Variants in KITLG observed in about 807,000 individuals in gnomAD.
The protein encoded by KITLG is c-Kit ligand.
In KITLG, 13 loss-of-function variants were observed where a neutral mutation model predicts 34.1. That is an observed-to-expected ratio of 0.38 (90% CI 0.25 to 0.61). KITLG has a LOEUF of 0.61. KITLG is among the 20% of genes least tolerant of loss of function. The probability of loss-of-function intolerance (pLI) is 0.60; values close to 1 mark genes in which losing one functional copy is unlikely to be tolerated. For missense variants in KITLG, 292 were observed against 318.9 expected (o/e 0.92, Z 0.64); for synonymous variants, 110 against 104.0 (o/e 1.06, Z -0.35).
intron 2 of KITLG, among the ~76,000 whole-genome samples, chr12:88,535,941 A>G (rs1314604473): frequency 1.3e-5 from 2 of 152,186 alleles, no homozygotes; most frequent in African/African-American, 4.8e-5. Flanking sequence ...CCCACACTGT[A>G]AAAATGCTGG....
chr12:88,530,831 T>C (rs1161851764), intron 3 of KITLG, among the ~76,000 whole-genome samples: 1 of 152,190 alleles, frequency 6.6e-6, no homozygotes, highest in Non-Finnish European at 1.5e-5. Context: ...AAAAGAAATG[T>C]AGCTTTGACA....
chr12:88,495,956 A>G lies in KITLG; in HGVS notation c.*1263T>C, dbSNP rs984197106. 2 of 152,186 alleles carry G rather than the reference A, an allele frequency of 1.3e-5. No homozygotes were observed. The highest frequency in any genetic ancestry group is 6.6e-5 in the Admixed American group (1 of 15,254). 9.4% of individuals were successfully genotyped at this position (152,186 alleles called of 1,614,324 possible). On this transcript the variant is annotated 3_prime_UTR_variant, in exon 10 of 10. Transcript: ENST00000644744. The stretch of plus-strand genomic sequence containing the variant: ...TTACAAGTTCTAGTTTAAAAGCACA[A>G]TGTCCATCTTGGGAATTCCTGCCAA...
chr12:88,550,078 AAG>A (rs1325984012), intron 1 of KITLG, among the ~76,000 whole-genome samples: 1 of 152,214 alleles, frequency 6.6e-6, no homozygotes, highest in Admixed American at 6.5e-5. Flanking sequence ...GTATGGGAAA[AAG>A]CCAGTCTACA....
chr12:88,502,641 T>G (rs1011756315), intron 9 of KITLG, among the ~76,000 whole-genome samples: 1 of 152,216 alleles, frequency 6.6e-6, no homozygotes, highest in Non-Finnish European at 1.5e-5. Context: ...TGCTTTAAAA[T>G]ACCATCTTTT....
chr12:88,554,355 C>T (rs546334426), intron 1 of KITLG, among the ~76,000 whole-genome samples: 15 of 152,216 alleles, frequency 9.9e-5, no homozygotes, highest in African/African-American at 2.9e-4. Flanking sequence ...ATATTACAGA[C>T]GTCACAAAGT....
intron 3 of KITLG, 76 bp from the exon 4 acceptor site, chr12:88,518,943 G>T: frequency 7.5e-7 from 1 of 1,327,534 alleles, no homozygotes; most frequent in Non-Finnish European, 1.1e-6. Flanking sequence ...ACTCTTCAAA[G>T]CTATCGTTTT....
chr12:88,521,622 G>A (rs922608826), intron 3 of KITLG, among the ~76,000 whole-genome samples: 1 of 151,956 alleles, frequency 6.6e-6, no homozygotes, highest in African/African-American at 2.4e-5. Flanking sequence ...AAATATAAAG[G>A]ATTAAGAAAA....
At position 88,516,726 on chromosome 12, in the gene KITLG, TA is replaced by T. The variant is rs577320848; in HGVS notation, c.364-237del. Among the ~76,000 whole-genome samples, 132 of 147,954 alleles carry T rather than the reference TA, an allele frequency of 8.9e-4. 1 individual carries two copies. Among genetic ancestry groups the T allele is most frequent in the African/African-American group, 3.2e-3 (128 of 40,346 alleles). ...CACAATGTCATGGCAAAAAATAAAATAAAATAAATAACCTTAAAAACAAGCT... is the reference window on the plus strand; with the variant it reads ...CACAATGTCATGGCAAAAAATAAAATAAATAAATAACCTTAAAAACAAGCT... On this transcript the variant is annotated intron_variant, in intron 4 of 9. Transcript: ENST00000644744.
intron 4 of KITLG, among the ~76,000 whole-genome samples, chr12:88,517,856 A>C (rs1869510307): frequency 6.6e-6 from 1 of 152,154 alleles, no homozygotes; most frequent in Non-Finnish European, 1.5e-5. Flanking sequence ...AGGAAAAAGC[A>C]TTTAGGTATT....
At chr12:88,577,738 A>G (rs1361598312) in intron 1 of KITLG, among the ~76,000 whole-genome samples, 3 of 152,222 alleles carry the variant, frequency 2.0e-5, no homozygotes, top group African/African-American at 4.8e-5. Flanking sequence ...GTGTACCAAC[A>G]TGCTAAATGA....
intron 6 of KITLG, among the ~76,000 whole-genome samples, chr12:88,509,788 A>C (rs1869206378): frequency 6.6e-6 from 1 of 152,202 alleles, no homozygotes; most frequent in Admixed American, 6.5e-5. Flanking sequence ...TCCCTCTTGC[A>C]GGCAGACAAA....
chr12:88,550,717 G>GGC (rs1291334548), intron 1 of KITLG, among the ~76,000 whole-genome samples: 2 of 152,140 alleles, frequency 1.3e-5, no homozygotes, highest in Non-Finnish European at 2.9e-5. Context: ...CACTGTCCCA[G>GGC]AACTCCTGCA....
chr12:88,564,469 G>A (rs1211839739), intron 1 of KITLG: 1 of 152,158 alleles, frequency 6.6e-6, no homozygotes, highest in African/African-American at 2.4e-5. Flanking sequence ...AGGGACTCGT[G>A]AGCAATATAT....
chr12:88,566,931 T>A (rs2220695), intron 1 of KITLG, among the ~76,000 whole-genome samples: 2 of 152,068 alleles, frequency 1.3e-5, no homozygotes. Context: ...ATACATGAAT[T>A]TAGGACATGG....
In KITLG at chr12:88,517,271, T is replaced by A. The variant is rs897834897; in HGVS notation, c.364-781A>T. Reference sequence around the variant, plus strand: ...TCCCAAAATAATAAAAATGGTATGATTAATTGATATAAAATTAATATAAAA... The same window carrying A: ...TCCCAAAATAATAAAAATGGTATGAATAATTGATATAAAATTAATATAAAA... On this transcript the variant is annotated intron_variant, in intron 4 of 9. Transcript: ENST00000644744. 1.5e-4 allele frequency among the ~76,000 whole-genome samples: 23 copies of A among 152,064 alleles called. 1 individual carries two copies. Among genetic ancestry groups the A allele is most frequent in the Middle Eastern group, 6.8e-3 (2 of 294 alleles).
chr12:88,541,332 A>T (rs1870511511), intron 2 of KITLG, among the ~76,000 whole-genome samples: 1 of 152,114 alleles, frequency 6.6e-6, no homozygotes, highest in Admixed American at 6.6e-5. Flanking sequence ...CCTTTACGAG[A>T]TGGAGATGGG....
At chr12:88,544,058 G>A (rs761307426) in intron 2 of KITLG, among the ~76,000 whole-genome samples, 2 of 152,094 alleles carry the variant, frequency 1.3e-5, no homozygotes, top group Non-Finnish European at 2.9e-5. Context: ...CTGATCTCAT[G>A]GTGCTTACTA....
chr12:88,524,777 C>T (rs1485172319), intron 3 of KITLG, among the ~76,000 whole-genome samples: 1 of 152,126 alleles, frequency 6.6e-6, no homozygotes, highest in African/African-American at 2.4e-5. Context: ...CATTTAATGT[C>T]ATATTTTATT....
rs569020117 is a variant in KITLG at position 88,559,250 on chromosome 12, T to G, written c.16-13385A>C. ...AGTTATCCAGGGTTGTAGATGGGAC[T>G]TCGGTTCTGCCAATTAGGCGTGACT... is the stretch of plus-strand genomic sequence containing the variant. On this transcript the variant is annotated intron_variant, in intron 1 of 9. Coordinates refer to ENST00000644744, the MANE Select transcript of KITLG (RefSeq NM_000899.5). 3.9e-5 allele frequency among the ~76,000 whole-genome samples: 6 copies of G among 152,324 alleles called. No individual in the cohort carries two copies. In the South Asian group the frequency reaches 1.2e-3, roughly 32 times the overall value.
Sources: gnomAD v4.1 joint callset for allele counts (sites outside exome capture counted in the v4.1 genomes callset) on GRCh38, gnomAD v4.1.1 for gene constraint, MANE v1.5 for transcripts, NCBI Gene and HGNC (gene_info 2026-07-23, HGNC 2026-07-21) for gene names.